WDR7: variants seen among roughly 807,000 people sequenced by gnomAD.
The protein encoded by WDR7 is WD repeat-containing protein 7.
Under a neutral mutation model 169.4 loss-of-function variants are expected in WDR7, and 46 were observed. That is an observed-to-expected ratio of 0.27 (90% confidence interval 0.21 to 0.35). The LOEUF (loss-of-function observed/expected upper bound fraction) is 0.35, where lower values mean the gene tolerates loss of function less well. Ranked by LOEUF, WDR7 falls within the 10% of genes least tolerant of loss-of-function variation. WDR7 has a pLI of 1.00. For missense variants in WDR7, 1,534 were observed against 1,859.3 expected, an observed-to-expected ratio of 0.83 and a Z score of 3.22; for synonymous variants, 612 against 666.8, an observed-to-expected ratio of 0.92 and a Z score of 1.27.
At chr18:57,002,506 G>T (rs2047998250) in intron 26 of WDR7, among the ~76,000 whole-genome samples, 1 of 151,946 alleles carries the variant, frequency 6.6e-6, no homozygotes, top group Admixed American at 6.6e-5. Flanking sequence ...ACTGTTTATC[G>T]CATCCTACAC....
chr18:56,698,718 A>G (rs1431742791), intron 12 of WDR7, among the ~76,000 whole-genome samples: 1 of 152,242 alleles, frequency 6.6e-6, no homozygotes, highest in Non-Finnish European at 1.5e-5. Context: ...ATATGCAACT[A>G]AACGGAGAAT....
intron 20 of WDR7, among the ~76,000 whole-genome samples, chr18:56,864,032 A>G (rs2045846499): frequency 6.6e-6 from 1 of 151,796 alleles, no homozygotes; most frequent in African/African-American, 2.4e-5. Flanking sequence ...TTATAAATTG[A>G]AATATAATAT....
At chr18:56,820,748 T>C (rs982379728) in intron 20 of WDR7, among the ~76,000 whole-genome samples, 2 of 152,204 alleles carry the variant, frequency 1.3e-5, no homozygotes, top group Non-Finnish European at 2.9e-5. Flanking sequence ...TTACAGTAAA[T>C]TGATGTAAGT....
chr18:56,661,141 C>T (rs995852517), intron 1 of WDR7, among the ~76,000 whole-genome samples: 2 of 152,110 alleles, frequency 1.3e-5, no homozygotes, highest in African/African-American at 4.8e-5. Context: ...CGAGAAAGTT[C>T]AGTGCTCAGT....
chr18:56,866,728 A>G (rs2045887601), intron 20 of WDR7, among the ~76,000 whole-genome samples: 1 of 152,072 alleles, frequency 6.6e-6, no homozygotes, highest in Non-Finnish European at 1.5e-5. Context: ...GACACTGGTG[A>G]TTTTATGGCA....
At chr18:56,841,088 G>A (rs1270859686) in intron 20 of WDR7, among the ~76,000 whole-genome samples, 43 of 152,078 alleles carry the variant, frequency 2.8e-4, no homozygotes, top group Admixed American at 2.8e-3. Flanking sequence ...AGCTACTCGG[G>A]AGGCTGAGGC....
At chr18:56,766,803 T>C (rs1444080801) in intron 16 of WDR7, among the ~76,000 whole-genome samples, 1 of 152,238 alleles carries the variant, frequency 6.6e-6, no homozygotes, top group Non-Finnish European at 1.5e-5. Context: ...AATACATGGA[T>C]TGCAGTTATA....
chr18:56,699,942 C>T, intron 12 of WDR7: 1 of 914,444 alleles, frequency 1.1e-6, no homozygotes, highest in Non-Finnish European at 1.3e-6. Context: ...TCTTTCCCCA[C>T]TCCTTCATTT....
At chr18:56,981,403 G>A (rs1321034119) in intron 26 of WDR7, among the ~76,000 whole-genome samples, 2 of 152,110 alleles carry the variant, frequency 1.3e-5, no homozygotes, top group African/African-American at 2.4e-5. Flanking sequence ...TGGCTCTGGA[G>A]CACAGACATG....
chr18:56,727,353 T>C (rs2026481763), intron 13 of WDR7, among the ~76,000 whole-genome samples: 1 of 151,984 alleles, frequency 6.6e-6, no homozygotes, highest in South Asian at 2.1e-4. Context: ...ATTTTTTTTT[T>C]CTATCTTTTG....
At chr18:56,672,812 C>A in intron 2 of WDR7, 138 bp downstream of exon 2, 1 of 815,324 alleles carries the variant, frequency 1.2e-6, no homozygotes, top group Non-Finnish European at 1.7e-6. Context: ...TAGTAGTATA[C>A]AGATTCATTA....
rs536826721 is a variant in WDR7, at chr18:57,027,105, C to T, written c.4371C>T (p.Pro1457=). The T allele has an allele frequency of 8.1e-5, 130 of 1,614,206 alleles. No homozygotes were observed. Among genetic ancestry groups the T allele is most frequent in the South Asian group, 1.9e-4 (17 of 91,086 alleles). ...TGCCCCCTGTGCAGCCCGCGTCCCC[C>T]GGCTCCCACAATGCCCTCAAGCTGG... is the stretch of plus-strand genomic sequence containing the variant. ...YQVPPVQPAS[P]GSHNALKLAR... is the part of the protein sequence containing the mutation. Residue 1457 remains proline, a synonymous_variant, in exon 28 of 28, where the codon CCC becomes CCT. Transcript: ENST00000254442.
In WDR7 at chr18:56,758,867, C is replaced by T. The variant is rs774402773; in HGVS notation, c.2762C>T (p.Pro921Leu). Residue 921 changes from proline to leucine, a missense_variant and splice_region_variant, in exon 16 of 28, where the codon CCA becomes CTA. Coordinates refer to ENST00000254442, the MANE Select transcript of WDR7 (RefSeq NM_015285.3). Reference sequence around the variant, plus strand: ...GTATTTTTTTCTTCTTTTTTAAGGCCACCTAGACCAAGCACCCCAGACCTT... The same window carrying T: ...GTATTTTTTTCTTCTTTTTTAAGGCTACCTAGACCAAGCACCCCAGACCTT... ...GDHMKKGPTR[P>L]PRPSTPDLSK... 10 of 1,608,986 alleles carry T rather than the reference C, an allele frequency of 6.2e-6. No individual in the cohort carries two copies. The highest frequency in any genetic ancestry group is 1.7e-5 in the Admixed American group (1 of 59,570).
intron 13 of WDR7, among the ~76,000 whole-genome samples, chr18:56,719,277 T>C (rs2026262275): frequency 6.6e-6 from 1 of 152,124 alleles, no homozygotes; most frequent in African/African-American, 2.4e-5. Context: ...AAAAACAGAA[T>C]TGCTGGCCGG....
intron 26 of WDR7, among the ~76,000 whole-genome samples, chr18:56,994,298 A>G (rs917609238): frequency 1.3e-5 from 2 of 152,192 alleles, no homozygotes; most frequent in Non-Finnish European, 2.9e-5. Context: ...TGCTAGGATT[A>G]CAGGCTTGAG....
chr18:56,727,016 A>G (rs917307254), intron 13 of WDR7, among the ~76,000 whole-genome samples: 3 of 152,140 alleles, frequency 2.0e-5, no homozygotes, highest in Non-Finnish European at 2.9e-5. Flanking sequence ...CTGGTAGTCT[A>G]TTCTGCAAAC....
chr18:56,998,795 T>C (rs1468595810), intron 26 of WDR7, among the ~76,000 whole-genome samples: 1 of 152,214 alleles, frequency 6.6e-6, no homozygotes, highest in African/African-American at 2.4e-5. Flanking sequence ...GTGATTTAAG[T>C]GGCTATTTAT....
At chr18:56,790,127 C>T (rs1272390609) in intron 19 of WDR7, among the ~76,000 whole-genome samples, 2 of 152,106 alleles carry the variant, frequency 1.3e-5, no homozygotes, top group East Asian at 1.9e-4. Flanking sequence ...ACATGAATAC[C>T]GGAACGTGTC....
At chr18:56,911,282 T>A (rs980408281) in intron 21 of WDR7, among the ~76,000 whole-genome samples, 1 of 152,206 alleles carries the variant, frequency 6.6e-6, no homozygotes, top group African/African-American at 2.4e-5. Context: ...TTTATTGCCT[T>A]AACTAACAAC....
Sources: gnomAD v4.1 joint callset for allele counts (sites outside exome capture counted in the v4.1 genomes callset) on GRCh38, gnomAD v4.1.1 for gene constraint, MANE v1.5 for transcripts, NCBI Gene and HGNC (gene_info 2026-07-23, HGNC 2026-07-21) for gene names.